The following KCNU1 variants were observed in gnomAD, a reference collection of about 807,000 sequenced individuals.
The protein encoded by KCNU1 is potassium calcium-activated channel subfamily U member 1.
KCNU1 carries 93 observed loss-of-function variants against 126.8 expected under a neutral mutation model. The ratio of observed to expected loss-of-function variants is 0.73; its 90% CI spans 0.62 to 0.87. KCNU1 has a LOEUF of 0.87. Among genes scored for constraint, KCNU1 ranks in the 40% least tolerant of loss-of-function variants. The pLI is 0.00. For synonymous variants in KCNU1, 523 were observed against 494.2 expected, an observed-to-expected ratio of 1.06 and a Z score of -0.77; for missense variants, 1,330 against 1,367.1, an observed-to-expected ratio of 0.97 and a Z score of 0.43.
chr8:36,894,614 T>C (rs778638273), intron 19 of KCNU1, among the ~76,000 whole-genome samples: 1 of 152,132 alleles, frequency 6.6e-6, no homozygotes, highest in Non-Finnish European at 1.5e-5. Flanking sequence ...CATATGTTAC[T>C]GATACAGCTT....
At chr8:36,857,316 C>T (rs1022213900) in intron 18 of KCNU1, among the ~76,000 whole-genome samples, 2 of 152,180 alleles carry the variant, frequency 1.3e-5, no homozygotes, top group Non-Finnish European at 2.9e-5. Flanking sequence ...TCTCTATCCT[C>T]TAGGCTACAC....
At chr8:36,784,629 C>T (rs1301894068) in intron 1 of KCNU1, 24 bp downstream of exon 1, 1 of 1,565,160 alleles carries the variant, frequency 6.4e-7, no homozygotes, top group Non-Finnish European at 8.7e-7. Flanking sequence ...TTAGGGATCC[C>T]TCTGTGTGAA....
At chr8:36,823,665 T>C (rs1383569818) in intron 10 of KCNU1, among the ~76,000 whole-genome samples, 1 of 151,886 alleles carries the variant, frequency 6.6e-6, no homozygotes, top group Non-Finnish European at 1.5e-5. Context: ...ACCATATGAA[T>C]GCCAATAAAT....
chr8:36,785,538 C>T (rs923557268), intron 1 of KCNU1, among the ~76,000 whole-genome samples: 26 of 151,966 alleles, frequency 1.7e-4, no homozygotes, highest in African/African-American at 6.3e-4. Flanking sequence ...TTTTGTTTTC[C>T]ATATTTGAAA....
At chr8:36,808,826 T>A (rs1803603197) in intron 7 of KCNU1, 33 bp downstream of exon 7, 1 of 1,502,152 alleles carries the variant, frequency 6.7e-7, no homozygotes, top group Non-Finnish European at 9.2e-7. Context: ...TAGTGGTGTC[T>A]GTTGTTACCA....
At chr8:36,847,317 A>G (rs1202915843) in intron 18 of KCNU1, among the ~76,000 whole-genome samples, 1 of 152,212 alleles carries the variant, frequency 6.6e-6, no homozygotes, top group Non-Finnish European at 1.5e-5. Flanking sequence ...AATCGGGGTA[A>G]TTAGCATATC....
chr8:36,868,120 G>A (rs1805977129), intron 19 of KCNU1, among the ~76,000 whole-genome samples: 1 of 152,142 alleles, frequency 6.6e-6, no homozygotes, highest in African/African-American at 2.4e-5. Context: ...CCATTTGAGG[G>A]TGAGTCTCTG....
At chr8:36,835,113 T>C (rs915910702) in intron 12 of KCNU1, among the ~76,000 whole-genome samples, 2 of 152,174 alleles carry the variant, frequency 1.3e-5, no homozygotes, top group African/African-American at 4.8e-5. Context: ...GTTTCATATC[T>C]ATAGTAGCCA....
At chr8:36,839,778 T>C (rs1804882910) in intron 14 of KCNU1, among the ~76,000 whole-genome samples, 1 of 152,202 alleles carries the variant, frequency 6.6e-6, no homozygotes, top group African/African-American at 2.4e-5. Flanking sequence ...GTGGTGGTGA[T>C]TCTCATGGCA....
intron 10 of KCNU1, among the ~76,000 whole-genome samples, chr8:36,819,722 C>G (rs1443207787): frequency 6.6e-6 from 1 of 152,102 alleles, no homozygotes; most frequent in Non-Finnish European, 1.5e-5. Flanking sequence ...TTCCTTCTAT[C>G]TCATTACTCT....
In KCNU1 at chr8:36,786,113, A is replaced by C. The variant is rs1181673220; in HGVS notation, c.196-1193A>C. On this transcript the variant is annotated intron_variant, in intron 1 of 26. Transcript: ENST00000399881. ...GCCTTTGGAGAAGTTGGACAAATGC[A>C]AAAAAAAAAAAAAATCAGAAATCTA... 2.2e-5 allele frequency among the ~76,000 whole-genome samples: 3 copies of C among 134,312 alleles called. No homozygotes were observed. The Admixed American group carries it at 2.3e-4, about 10-fold the overall frequency. 88.1% of individuals were successfully genotyped at this position (134,312 alleles called of 152,430 possible).
In KCNU1 at chr8:36,817,715, G is replaced by A. The variant is rs765942865; in HGVS notation, c.1061G>A (p.Arg354His). ...SVTAFLRNFL[R>H]DKSGEINTEI... Reference sequence around the variant, plus strand: ...ACCGCTTTCCTGAGGAATTTCCTCCGCGACAAGTCAGGAGAGATCAACACT... The same window carrying A: ...ACCGCTTTCCTGAGGAATTTCCTCCACGACAAGTCAGGAGAGATCAACACT... Residue 354 changes from arginine to histidine, a missense_variant, in exon 10 of 27, where the codon CGC becomes CAC. Around this residue, in one of 3 missense-constraint regions of KCNU1, gnomAD observed 1,054 missense variants for 1,053.9 expected, o/e 1.00. Transcript: ENST00000399881. 3.1e-5 allele frequency: 50 copies of A among 1,610,470 alleles called. No homozygotes were observed. The highest frequency in any genetic ancestry group is 1.4e-4 in the South Asian group (13 of 90,936).
intron 7 of KCNU1, among the ~76,000 whole-genome samples, chr8:36,809,201 G>A (rs1217486306): frequency 2.0e-5 from 3 of 152,178 alleles, no homozygotes; most frequent in African/African-American, 7.2e-5. Flanking sequence ...GCAAAGGGGA[G>A]TTTGGGGGCT....
At chr8:36,825,767 T>C (rs1459821177) in intron 10 of KCNU1, among the ~76,000 whole-genome samples, 5 of 152,084 alleles carry the variant, frequency 3.3e-5, no homozygotes, top group Non-Finnish European at 7.4e-5. Flanking sequence ...TTTTTAAGTG[T>C]AAAGATGTCT....
intron 25 of KCNU1, among the ~76,000 whole-genome samples, chr8:36,932,248 T>C (rs1808724563): frequency 2.0e-5 from 3 of 152,092 alleles, no homozygotes; most frequent in Admixed American, 2.0e-4. Flanking sequence ...CTTGTAAGTG[T>C]ATATAAGCCC....
intron 19 of KCNU1, among the ~76,000 whole-genome samples, chr8:36,895,861 T>A (rs2117465891): frequency 6.6e-6 from 1 of 152,110 alleles, no homozygotes; most frequent in South Asian, 2.1e-4. Flanking sequence ...AAGGCAAATA[T>A]CAAAAGAAGA....
Position 36,870,424 on chromosome 8 carries a change from C to T in KCNU1, c.2009+5903C>T, listed in dbSNP as rs1180798628. 3.3e-5 allele frequency among the ~76,000 whole-genome samples: 5 copies of T among 152,148 alleles called. No individual in the cohort carries two copies. In the South Asian group the frequency reaches 8.3e-4, roughly 25 times the overall value. ...TTGTCTCAGGAAAAGAAGCTGAGCC[C>T]TTCCTCCCTTTTTACTCTCAGTTCT... is the stretch of plus-strand genomic sequence containing the variant. On this transcript the variant is annotated intron_variant, in intron 19 of 26. Transcript: ENST00000399881.
chr8:36,905,235 G>T (rs1807577240), intron 19 of KCNU1, among the ~76,000 whole-genome samples: 2 of 152,014 alleles, frequency 1.3e-5, no homozygotes. Context: ...ACTAAATCAG[G>T]ATGTTTCAAC....
chr8:36,836,492 T>C, intron 13 of KCNU1, 127 bp downstream of exon 13: 2 of 662,252 alleles, frequency 3.0e-6, no homozygotes, highest in Non-Finnish European at 5.2e-6. Context: ...TGGAGTCTTA[T>C]TAAGATGGAT....
Sources: allele counts gnomAD v4.1 joint callset (sites outside exome capture counted in the v4.1 genomes callset), GRCh38; gene constraint gnomAD v4.1.1; regional missense constraint gnomAD v4.1.1; transcripts MANE v1.5; gene names NCBI Gene and HGNC (gene_info 2026-07-23, HGNC 2026-07-21).